Variants in FAM161A observed in about 807,000 individuals in gnomAD.
FAM161A encodes the protein FAM161 centrosomal protein A, also known as protein FAM161A.
FAM161A carries 57 observed loss-of-function variants against 70.9 expected under a neutral mutation model. That is an observed-to-expected ratio of 0.80 (90% CI 0.65 to 1.00). FAM161A has a LOEUF of 1.00. FAM161A is among the 50% of genes least tolerant of loss of function. The pLI is 0.00. For missense variants in FAM161A, 880 were observed against 836.0 expected (o/e 1.05, Z -0.65); for synonymous variants, 299 against 295.7 (o/e 1.01, Z -0.12).
intron 1 of FAM161A, among the ~76,000 whole-genome samples, chr2:61,846,254 C>T (rs1217933657): frequency 1.3e-5 from 2 of 151,894 alleles, no homozygotes; most frequent in Non-Finnish European, 2.9e-5. Flanking sequence ...ACATGGCTGC[C>T]GGATAAAAGG....
downstream of FAM161A, among the ~76,000 whole-genome samples, chr2:61,820,737 G>T (rs1672185718): frequency 6.6e-6 from 1 of 152,140 alleles, no homozygotes. Context: ...TCTGTGATTT[G>T]CTTCGAAACA....
At chr2:61,844,059 C>T (rs370966250) in intron 1 of FAM161A, among the ~76,000 whole-genome samples, 4 of 151,954 alleles carry the variant, frequency 2.6e-5, no homozygotes, top group South Asian at 4.2e-4. Flanking sequence ...AGGAGAATGG[C>T]GTGAACCTGG....
chr2:61,844,015 C>T (rs948116464), intron 1 of FAM161A, among the ~76,000 whole-genome samples: 5 of 151,982 alleles, frequency 3.3e-5, no homozygotes, highest in African/African-American at 1.2e-4. Flanking sequence ...TGCTGGCGGG[C>T]ACCTATATTC....
At chr2:61,840,636 A>C (rs1166420023) in intron 2 of FAM161A, 55 bp from the exon 3 acceptor site, 1 of 1,330,762 alleles carries the variant, frequency 7.5e-7, no homozygotes, top group South Asian at 1.2e-5. Flanking sequence ...CCAAATATAA[A>C]AATTAAGAGT....
intron 1 of FAM161A, among the ~76,000 whole-genome samples, chr2:61,851,240 A>G (rs1007594743): frequency 2.0e-5 from 3 of 152,238 alleles, no homozygotes; most frequent in African/African-American, 7.2e-5. Flanking sequence ...TGAGCTATAT[A>G]TACACTGAAT....
downstream of FAM161A, among the ~76,000 whole-genome samples, chr2:61,821,998 A>G (rs1672212686): frequency 1.3e-5 from 2 of 151,080 alleles, no homozygotes; most frequent in Admixed American, 6.6e-5. Flanking sequence ...CAAACTCCTG[A>G]CCTCAAGTAA....
intron 1 of FAM161A, among the ~76,000 whole-genome samples, chr2:61,848,824 A>T (rs368470075): frequency 0.18 from 1,890 of 10,372 alleles, 601 homozygotes; most frequent in East Asian, 0.56. Context: ...TTATATATAT[A>T]TATCTATATA....
chr2:61,845,213 C>T (rs1464920379), intron 1 of FAM161A, among the ~76,000 whole-genome samples: 1 of 151,992 alleles, frequency 6.6e-6, no homozygotes, highest in Non-Finnish European at 1.5e-5. Flanking sequence ...AAATAAGCAG[C>T]GGAAGGAGGA....
At chr2:61,819,504 G>A in the FAM161A span, among the ~76,000 whole-genome samples, 1 of 152,062 alleles carries the variant, frequency 6.6e-6, no homozygotes, top group Non-Finnish European at 1.5e-5. Flanking sequence ...TTCAAGTCTG[G>A]TAGAAAGAAA....
intron 1 of FAM161A, among the ~76,000 whole-genome samples, chr2:61,853,636 C>A (rs1184505611): frequency 2.0e-5 from 3 of 152,174 alleles, no homozygotes; most frequent in African/African-American, 7.2e-5. Flanking sequence ...GTCTAGGAAG[C>A]TTTTACAACA....
In FAM161A at chr2:61,838,532, T is replaced by C; in HGVS notation, c.1751+6A>G. On this transcript the variant is annotated splice_donor_region_variant and intron_variant, in intron 4 of 6. Coordinates refer to ENST00000404929, the MANE Select transcript of FAM161A (RefSeq NM_001201543.2). The stretch of plus-strand genomic sequence containing the variant: ...GGTCTGGAGATTCAAGATTTTTTCA[T>C]GATACCTGAGACATTTTACTCTGGA... 6.2e-7 allele frequency: 1 copy of C among 1,600,066 alleles called. No homozygotes were observed. Among genetic ancestry groups the C allele is most frequent in the South Asian group, 1.1e-5 (1 of 88,188 alleles).
the FAM161A span, among the ~76,000 whole-genome samples, chr2:61,808,366 G>A: frequency 1.3e-5 from 2 of 151,610 alleles, no homozygotes; most frequent in Non-Finnish European, 2.9e-5. Flanking sequence ...TCTGCCTCCT[G>A]GGTTCAAGCA....
At chr2:61,851,546 G>C (rs1673498437) in intron 1 of FAM161A, among the ~76,000 whole-genome samples, 2 of 152,122 alleles carry the variant, frequency 1.3e-5, no homozygotes, top group South Asian at 4.1e-4. Context: ...TGTTGGCCAG[G>C]CTGGCCTCAA....
intron 4 of FAM161A, among the ~76,000 whole-genome samples, chr2:61,837,481 G>T (rs1672815459): frequency 6.6e-6 from 1 of 152,080 alleles, no homozygotes; most frequent in South Asian, 2.1e-4. Context: ...TTATGAAAAA[G>T]CTATTGTCCA....
At chr2:61,803,185 A>C in the FAM161A span, 9 of 532,934 alleles carry the variant, frequency 1.7e-5, no homozygotes, top group East Asian at 3.5e-4. Flanking sequence ...AACAGTGCCT[A>C]AGACAGAAAT....
downstream of FAM161A, among the ~76,000 whole-genome samples, chr2:61,821,698 C>G (rs1389506713): frequency 6.6e-6 from 1 of 152,094 alleles, no homozygotes; most frequent in African/African-American, 2.4e-5. Flanking sequence ...TTCCAAAGTG[C>G]TGAGATTACA....
At chr2:61,836,196 A>G in intron 4 of FAM161A, 87 bp from the exon 5 acceptor site, 1 of 951,736 alleles carries the variant, frequency 1.1e-6, no homozygotes, top group South Asian at 1.4e-5. Flanking sequence ...ATCAACTTGT[A>G]CAAAGTCAAT....
In FAM161A at chr2:61,839,423, T is replaced by TA. The variant is rs1672910117; in HGVS notation, c.1580dup (p.Arg528LysfsTer5). On this transcript the variant is annotated frameshift_variant, in exon 3 of 7. Transcript: ENST00000404929. LOFTEE classifies it high-confidence loss of function. The stretch of plus-strand genomic sequence containing the variant: ...AGTACTGCGTCCTACTTACTTACCT[T>TA]ACGGCTTGTTCTCGTCCTCTGGAAG... 6.2e-7 allele frequency: 1 copy of TA among 1,614,034 alleles called. No individual in the cohort carries two copies. The highest frequency in any genetic ancestry group is 1.7e-5 in the Admixed American group (1 of 59,990).
chr2:61,803,302 G>A, the FAM161A span: 2 of 638,514 alleles, frequency 3.1e-6, no homozygotes, highest in Non-Finnish European at 5.9e-6. Context: ...TGATTCCTTG[G>A]ATTATGTAAA....
Sources: gnomAD v4.1 joint callset for allele counts (sites outside exome capture counted in the v4.1 genomes callset) on GRCh38, gnomAD v4.1.1 for gene constraint, MANE v1.5 for transcripts, NCBI Gene and HGNC (gene_info 2026-07-23, HGNC 2026-07-21) for gene names.